The following CLINT1 variants were observed in gnomAD, a reference collection of about 807,000 sequenced individuals.
CLINT1 encodes the protein clathrin interacting protein localized in the trans-Golgi region.
Under a neutral mutation model 70.4 loss-of-function variants are expected in CLINT1, and 15 were observed. The ratio of observed to expected loss-of-function variants is 0.21; its 90% CI spans 0.14 to 0.33. CLINT1 has a LOEUF of 0.33. Ranked by LOEUF, CLINT1 falls within the 10% of genes least tolerant of loss-of-function variation. The pLI, the probability that CLINT1 is intolerant of heterozygous loss-of-function variation, is 1.00. For missense variants in CLINT1, 615 were observed against 778.1 expected, an observed-to-expected ratio of 0.79 and a Z score of 2.49; for synonymous variants, 227 against 254.7, an observed-to-expected ratio of 0.89 and a Z score of 1.04.
intron 1 of CLINT1, among the ~76,000 whole-genome samples, chr5:157,837,070 A>C (rs1344915532): frequency 6.6e-6 from 1 of 152,158 alleles, no homozygotes; most frequent in Admixed American, 6.5e-5. Context: ...TAAGTATCTG[A>C]CATGAGATGC....
chr5:157,810,140 A>T (rs1050646008), intron 5 of CLINT1, among the ~76,000 whole-genome samples: 1 of 152,200 alleles, frequency 6.6e-6, no homozygotes, highest in African/African-American at 2.4e-5. Context: ...GAGAAATGAA[A>T]ATCTTTCTGT....
intron 8 of CLINT1, among the ~76,000 whole-genome samples, chr5:157,797,552 A>AT (rs891786668): frequency 1.3e-5 from 2 of 151,948 alleles, no homozygotes; most frequent in African/African-American, 4.8e-5. Flanking sequence ...CGCCCAACTA[A>AT]TTTTTTTATT....
At chr5:157,824,666 T>C (rs183005331) in intron 1 of CLINT1, among the ~76,000 whole-genome samples, 41 of 152,288 alleles carry the variant, frequency 2.7e-4, no homozygotes, top group African/African-American at 7.2e-4. Context: ...CCCTCCATAT[T>C]GCAAGAATTC....
At chr5:157,812,433 C>G (rs1561649480) in intron 5 of CLINT1, among the ~76,000 whole-genome samples, 2 of 152,096 alleles carry the variant, frequency 1.3e-5, no homozygotes, top group Non-Finnish European at 2.9e-5. Flanking sequence ...CACCTATGCC[C>G]TATTTTAGAG....
intron 1 of CLINT1, among the ~76,000 whole-genome samples, chr5:157,846,006 C>T (rs1405617785): frequency 6.6e-6 from 1 of 152,204 alleles, no homozygotes; most frequent in Non-Finnish European, 1.5e-5. Flanking sequence ...TGTGTCCTGA[C>T]TGCTCCACTG....
chr5:157,830,790 C>CTATATATATATA (rs1354149727), intron 1 of CLINT1, among the ~76,000 whole-genome samples: 4 of 124,146 alleles, frequency 3.2e-5, no homozygotes, highest in African/African-American at 1.3e-4. Context: ...CTCTCTCTCT[C>CTATATATATATA]TCTCTCTATA....
intron 1 of CLINT1, among the ~76,000 whole-genome samples, chr5:157,840,473 A>G (rs953550982): frequency 2.0e-5 from 3 of 152,010 alleles, no homozygotes; most frequent in African/African-American, 7.2e-5. Context: ...TGGCTATCTA[A>G]AAGAATCATC....
At position 157,859,020 on chromosome 5, in the gene CLINT1, A is replaced by G; in HGVS notation, c.-50T>C. 1 of 1,603,084 alleles carries G rather than the reference A, an allele frequency of 6.2e-7. No individual in the cohort carries two copies. Among genetic ancestry groups the G allele is most frequent in the Non-Finnish European group, 8.5e-7 (1 of 1,174,462 alleles). ...CGCCTCCCTCTCCTGCTCCCCACGG[A>G]CCCCGGAACACTTCCGTACCGGGGC... On this transcript the variant is annotated 5_prime_UTR_variant, in exon 1 of 12. Transcript: ENST00000411809.
In CLINT1 at chr5:157,859,114, G is replaced by T; in HGVS notation, c.-144C>A. 2.5e-6 allele frequency: 2 copies of T among 794,242 alleles called. No homozygotes were observed. The highest frequency in any genetic ancestry group is 3.8e-6 in the Non-Finnish European group (2 of 527,732). 49.2% of individuals were successfully genotyped at this position (794,242 alleles called of 1,614,324 possible). On this transcript the variant is annotated 5_prime_UTR_variant, in exon 1 of 12. In the 5' UTR this introduces an upstream ATG that the reference lacks. Transcript: ENST00000411809. ...CCAGTCAGCTCCTTCCTTTGCCACA[G>T]CAGCGGCGCCGCCGGTGACACGTCG...
intron 1 of CLINT1, among the ~76,000 whole-genome samples, chr5:157,833,300 G>A (rs1350213586): frequency 2.0e-5 from 3 of 151,592 alleles, no homozygotes; most frequent in Admixed American, 6.6e-5. Flanking sequence ...GCCATGAGCC[G>A]AGATCATGCC....
At chr5:157,810,633 T>C (rs186551209) in intron 5 of CLINT1, among the ~76,000 whole-genome samples, 128 of 152,242 alleles carry the variant, frequency 8.4e-4, no homozygotes, top group Admixed American at 2.8e-3. Context: ...AAAGGAGACA[T>C]AGGAATTACA....
At chr5:157,790,952 A>G (rs1761883158) in intron 10 of CLINT1, among the ~76,000 whole-genome samples, 1 of 152,232 alleles carries the variant, frequency 6.6e-6, no homozygotes, top group African/African-American at 2.4e-5. Flanking sequence ...GATTTTCCAT[A>G]TTAGCAATAA....
At chr5:157,813,762 C>T (rs1009520682) in intron 4 of CLINT1, among the ~76,000 whole-genome samples, 1 of 152,146 alleles carries the variant, frequency 6.6e-6, no homozygotes, top group Non-Finnish European at 1.5e-5. Context: ...CATTTTCTAG[C>T]CTCTTTCACA....
chr5:157,830,779 TC>T (rs1763207537), intron 1 of CLINT1, among the ~76,000 whole-genome samples: 1 of 131,316 alleles, frequency 7.6e-6, no homozygotes, highest in Non-Finnish European at 1.6e-5. Flanking sequence ...TCTCTCTCTC[TC>T]TCTCTCTCTC....
intron 1 of CLINT1, among the ~76,000 whole-genome samples, chr5:157,825,421 T>A (rs982604990): frequency 4.6e-5 from 7 of 152,008 alleles, no homozygotes; most frequent in African/African-American, 1.7e-4. Flanking sequence ...CAAAAAAAAA[T>A]TACGATCAAA....
chr5:157,810,833 G>C (rs1016845868), intron 5 of CLINT1, among the ~76,000 whole-genome samples: 2 of 152,128 alleles, frequency 1.3e-5, no homozygotes, highest in Non-Finnish European at 1.5e-5. Flanking sequence ...CTTTTGTTTT[G>C]AACTTTTGTT....
At chr5:157,815,452 A>G (rs903223283) in intron 3 of CLINT1, among the ~76,000 whole-genome samples, 1 of 152,212 alleles carries the variant, frequency 6.6e-6, no homozygotes, top group East Asian at 1.9e-4. Context: ...CTTTGTGAAT[A>G]TACTATATAA....
At chr5:157,837,301 T>C (rs1246835928) in intron 1 of CLINT1, among the ~76,000 whole-genome samples, 2 of 151,780 alleles carry the variant, frequency 1.3e-5, no homozygotes, top group Admixed American at 6.6e-5. Context: ...ACATGGGAGG[T>C]TGAGGTCAAG....
rs116811843 is a variant in CLINT1, at chr5:157,815,104, T to C, written c.244-811A>G. ...CCTGAAGGTAGAAAATTTTGCAAAA[T>C]AGACATCTTCACACATACACACACA... On this transcript the variant is annotated intron_variant, in intron 3 of 11. Transcript: ENST00000411809. Among the ~76,000 whole-genome samples the C allele has an allele frequency of 8.7e-3, 1,219 of 140,456 alleles. 10 individuals carry two copies. Among genetic ancestry groups the C allele is most frequent in the African/African-American group, 0.032 (1,152 of 35,940 alleles). The allele number at this position is 140,456 out of a possible 152,430, so 92.1% of individuals were successfully genotyped here.
Sources: allele counts gnomAD v4.1 joint callset (sites outside exome capture counted in the v4.1 genomes callset), GRCh38; gene constraint gnomAD v4.1.1; transcripts MANE v1.5; gene names NCBI Gene and HGNC (gene_info 2026-07-23, HGNC 2026-07-21).